Variants in PTPRT observed in about 807,000 individuals in gnomAD.
The protein encoded by PTPRT is receptor-type tyrosine-protein phosphatase T.
PTPRT carries 56 observed loss-of-function variants against 176.8 expected under a neutral mutation model. The ratio of observed to expected loss-of-function variants is 0.32; its 90% CI spans 0.26 to 0.40. PTPRT has a LOEUF of 0.40. PTPRT is among the 10% of genes least tolerant of loss of function. PTPRT has a pLI of 1.00. For synonymous variants in PTPRT, 783 were observed against 739.0 expected (o/e 1.06, Z -0.96); for missense variants, 1,540 against 1,908.2 (o/e 0.81, Z 3.60).
At chr20:42,695,284 T>G (rs1404992557) in intron 6 of PTPRT, among the ~76,000 whole-genome samples, 1 of 152,228 alleles carries the variant, frequency 6.6e-6, no homozygotes, top group Non-Finnish European at 1.5e-5. Flanking sequence ...ATGTCAGGTC[T>G]GTATTAACTT....
chr20:42,327,583 C>G (rs1384949448), intron 11 of PTPRT, among the ~76,000 whole-genome samples: 1 of 151,830 alleles, frequency 6.6e-6, no homozygotes, highest in African/African-American at 2.4e-5. Flanking sequence ...GGTTGAATAA[C>G]CATTTGAGAG....
intron 13 of PTPRT, chr20:42,270,495 GA>G: frequency 6.5e-7 from 1 of 1,538,096 alleles, no homozygotes; most frequent in Non-Finnish European, 8.8e-7. Context: ...ATGCAGAAGA[GA>G]AGGAGAGAAA....
intron 1 of PTPRT, among the ~76,000 whole-genome samples, chr20:43,164,139 A>G (rs16987887): frequency 6.6e-6 from 1 of 152,258 alleles, no homozygotes; most frequent in Non-Finnish European, 1.5e-5. Context: ...GGAAAGTCCT[A>G]CCTTAAATTC....
chr20:42,707,166 GTTTT>G (rs985277597), intron 6 of PTPRT, among the ~76,000 whole-genome samples: 2 of 152,074 alleles, frequency 1.3e-5, no homozygotes, highest in African/African-American at 4.8e-5. Flanking sequence ...TCTGTGTGTT[GTTTT>G]TTTGTTTGTT....
At chr20:42,738,093 T>C (rs1203850214) in intron 6 of PTPRT, among the ~76,000 whole-genome samples, 1 of 152,070 alleles carries the variant, frequency 6.6e-6, no homozygotes, top group Non-Finnish European at 1.5e-5. Flanking sequence ...ATGCCCCGGG[T>C]CCATGTGGCA....
chr20:42,656,396 G>C (rs908091015), intron 7 of PTPRT, among the ~76,000 whole-genome samples: 3 of 152,152 alleles, frequency 2.0e-5, no homozygotes, highest in Non-Finnish European at 4.4e-5. Flanking sequence ...AGGGGGTTGA[G>C]ACTTACAAGT....
At chr20:42,650,009 T>C (rs1488669109) in intron 7 of PTPRT, among the ~76,000 whole-genome samples, 2 of 152,164 alleles carry the variant, frequency 1.3e-5, no homozygotes, top group African/African-American at 4.8e-5. Flanking sequence ...ACCACTCTGC[T>C]TTACATCTCA....
intron 9 of PTPRT, among the ~76,000 whole-genome samples, chr20:42,369,922 G>GA (rs1242945021): frequency 6.6e-6 from 1 of 152,160 alleles, no homozygotes; most frequent in Non-Finnish European, 1.5e-5. Context: ...TCACCTAAGT[G>GA]AACACCTCAT....
rs142166540 is a variant in PTPRT at position 42,552,008 on chromosome 20, C to A, written c.1154-79446G>T. On this transcript the variant is annotated intron_variant, in intron 7 of 30. Coordinates refer to ENST00000373187, the MANE Select transcript of PTPRT (RefSeq NM_007050.6). ...TGTTACCATCAGTCTATAACACCAACTTTGCTGTGCATCATTCTTTTCTAA... is the reference window on the plus strand; with the variant it reads ...TGTTACCATCAGTCTATAACACCAAATTTGCTGTGCATCATTCTTTTCTAA... Among the ~76,000 whole-genome samples the A allele has an allele frequency of 4.6e-3, 697 of 152,272 alleles. 4 individuals carry two copies. Among genetic ancestry groups the A allele is most frequent in the African/African-American group, 0.016 (665 of 41,554 alleles).
chr20:42,549,887 G>C (rs2072738085), intron 7 of PTPRT, among the ~76,000 whole-genome samples: 1 of 151,996 alleles, frequency 6.6e-6, no homozygotes, highest in Admixed American at 6.6e-5. Context: ...TATCTACTTT[G>C]ATTTATTTCT....
intron 9 of PTPRT, among the ~76,000 whole-genome samples, chr20:42,440,645 T>A (rs2059306253): frequency 6.6e-6 from 1 of 151,918 alleles, no homozygotes. Context: ...ACCCAGCTAA[T>A]TTTTTGTACT....
At chr20:43,154,465 TTTG>T (rs1364813889) in intron 1 of PTPRT, among the ~76,000 whole-genome samples, 1 of 152,228 alleles carries the variant, frequency 6.6e-6, no homozygotes, top group Non-Finnish European at 1.5e-5. Context: ...TGCCTCCAGC[TTTG>T]TTATTTTTGT....
chr20:42,354,046 C>T (rs913333505), intron 9 of PTPRT, among the ~76,000 whole-genome samples: 1 of 150,620 alleles, frequency 6.6e-6, no homozygotes, highest in African/African-American at 2.4e-5. Flanking sequence ...AGAGAGAGAC[C>T]CTGTCTCTAA....
intron 6 of PTPRT, among the ~76,000 whole-genome samples, chr20:42,715,225 A>G (rs1454072213): frequency 6.6e-6 from 1 of 152,216 alleles, no homozygotes; most frequent in Non-Finnish European, 1.5e-5. Flanking sequence ...TCCAATCAAT[A>G]TAATCCAGAC....
At chr20:42,677,266 C>T (rs2075520497) in intron 7 of PTPRT, among the ~76,000 whole-genome samples, 1 of 151,982 alleles carries the variant, frequency 6.6e-6, no homozygotes, top group Non-Finnish European at 1.5e-5. Context: ...GTCACAGGCC[C>T]AGCTCAGGGA....
rs574430242 is a variant in PTPRT at position 43,172,745 on chromosome 20, C to T, written c.88+16901G>A. Among the ~76,000 whole-genome samples, 13 of 152,276 alleles carry T rather than the reference C, an allele frequency of 8.5e-5. No homozygotes were observed. In the South Asian group the frequency reaches 2.7e-3, roughly 32 times the overall value. On this transcript the variant is annotated intron_variant, in intron 1 of 30. Coordinates refer to ENST00000373187, the MANE Select transcript of PTPRT (RefSeq NM_007050.6). ...CTACAAGCAAGTTACTACAATTTGC[C>T]TCATTTCACAGATGATAAAATCGAG...
chr20:42,312,138 T>C (rs2057642860), intron 12 of PTPRT, among the ~76,000 whole-genome samples: 1 of 152,230 alleles, frequency 6.6e-6, no homozygotes, highest in Non-Finnish European at 1.5e-5. Flanking sequence ...TTAATTAGTT[T>C]TATGCTCACT....
chr20:42,604,840 A>C (rs1249275334), intron 7 of PTPRT, among the ~76,000 whole-genome samples: 3 of 152,208 alleles, frequency 2.0e-5, no homozygotes, highest in Non-Finnish European at 4.4e-5. Flanking sequence ...TGGCTCATGA[A>C]ACATGATAGG....
chr20:42,341,845 C>A (rs143753659), intron 11 of PTPRT, among the ~76,000 whole-genome samples: 1 of 152,164 alleles, frequency 6.6e-6, no homozygotes, highest in Non-Finnish European at 1.5e-5. Flanking sequence ...AACACTCTTT[C>A]GATCTTCATG....
Sources: gnomAD v4.1 joint callset for allele counts (sites outside exome capture counted in the v4.1 genomes callset) on GRCh38, gnomAD v4.1.1 for gene constraint, MANE v1.5 for transcripts, NCBI Gene and HGNC (gene_info 2026-07-23, HGNC 2026-07-21) for gene names.